PTGER3: variants seen among roughly 807,000 people sequenced by gnomAD.
PTGER3 encodes prostaglandin E receptor 3.
A neutral mutation model predicts 34.7 loss-of-function variants in PTGER3; 22 were observed. The observed-to-expected ratio is 0.63, with a 90% CI of 0.45 to 0.91. The LOEUF is 0.91. PTGER3 is among the 40% of genes least tolerant of loss of function. The probability of loss-of-function intolerance (pLI) is 0.00; values close to 1 mark genes in which losing one functional copy is unlikely to be tolerated. For missense variants in PTGER3, 468 were observed against 519.4 expected (o/e 0.90, Z 0.96); for synonymous variants, 241 against 230.1 (o/e 1.05, Z -0.43).
At chr1:70,870,217 G>A (rs1646133563) in intron 4 of PTGER3, among the ~76,000 whole-genome samples, 1 of 152,112 alleles carries the variant, frequency 6.6e-6, no homozygotes, top group African/African-American at 2.4e-5. Flanking sequence ...AGCTACTCCT[G>A]GGCCCCTTTG....
At chr1:71,008,907 G>T (rs1053339585) in intron 2 of PTGER3, 2 of 976,248 alleles carry the variant, frequency 2.0e-6, no homozygotes, top group Non-Finnish European at 2.4e-6. Flanking sequence ...TCAGCTCCTA[G>T]AATCCTGTGT....
At chr1:70,907,853 G>A (rs769534179) in intron 4 of PTGER3, among the ~76,000 whole-genome samples, 5 of 152,150 alleles carry the variant, frequency 3.3e-5, no homozygotes, top group Non-Finnish European at 5.9e-5. Flanking sequence ...AGCTGAAAGC[G>A]GACTGCTTGG....
At chr1:70,942,355 A>G (rs1298937539) in intron 4 of PTGER3, among the ~76,000 whole-genome samples, 2 of 152,170 alleles carry the variant, frequency 1.3e-5, no homozygotes, top group South Asian at 2.1e-4. Context: ...TTATATCTTG[A>G]GGCATTTTTT....
chr1:71,008,650 T>C, intron 2 of PTGER3: 1 of 983,922 alleles, frequency 1.0e-6, no homozygotes, highest in Non-Finnish European at 1.2e-6. Context: ...AGCACTTTGT[T>C]GCAACTCAGA....
At chr1:70,853,984 TA>T (rs986829105) in intron 4 of PTGER3, among the ~76,000 whole-genome samples, 3 of 152,102 alleles carry the variant, frequency 2.0e-5, no homozygotes, top group Admixed American at 6.6e-5. Context: ...CAAAATGAAT[TA>T]AAGACCTAGG....
At chr1:71,015,901 G>T (rs892514414) in intron 1 of PTGER3, among the ~76,000 whole-genome samples, 6 of 151,932 alleles carry the variant, frequency 3.9e-5, no homozygotes, top group Non-Finnish European at 8.8e-5. Context: ...TCCAGTTTTG[G>T]CTTATAAGGC....
chr1:70,952,747 C>T (rs1216793231), exon 4 of PTGER3: 4 of 1,284,172 alleles, frequency 3.1e-6, no homozygotes, highest in Non-Finnish European at 4.0e-6. Flanking sequence ...AAAATATGCC[C>T]ATGTTTGCCC....
chr1:70,901,931 G>A (rs1405858842), intron 4 of PTGER3, among the ~76,000 whole-genome samples: 1 of 152,092 alleles, frequency 6.6e-6, no homozygotes, highest in Non-Finnish European at 1.5e-5. Flanking sequence ...AAAGCTCAGG[G>A]CAGAGATTTG....
intron 2 of PTGER3, among the ~76,000 whole-genome samples, chr1:70,992,146 G>A (rs527729367): frequency 2.6e-5 from 4 of 152,184 alleles, no homozygotes; most frequent in Non-Finnish European, 4.4e-5. Context: ...GTAAGTAAAT[G>A]AACTGGGGTT....
Position 71,046,720 on chromosome 1 carries a change from C to A in PTGER3, c.858G>T (p.Gly286=), listed in dbSNP as rs751617793. ...AGCAGACCGACAGCACGCACATGATCCCCATAAGCTGAATGGCCGTCTCGG... is the reference window on the plus strand; with the variant it reads ...AGCAGACCGACAGCACGCACATGATACCCATAAGCTGAATGGCCGTCTCGG... ...ITTETAIQLM[G]IMCVLSVCWS... The change falls in exon 1 of 4, where the codon GGG becomes GGT. Residue 286 remains glycine, a synonymous_variant. Coordinates refer to ENST00000306666, the MANE Select transcript of PTGER3 (RefSeq NM_198719.2). 14 of 1,600,524 alleles carry A rather than the reference C, an allele frequency of 8.7e-6. No homozygotes were observed. In the South Asian group the frequency reaches 1.6e-4, roughly 18 times the overall value.
intron 2 of PTGER3, 150 bp downstream of exon 2, chr1:71,012,155 A>T: frequency 6.5e-7 from 1 of 1,545,088 alleles, no homozygotes; most frequent in Non-Finnish European, 8.7e-7. Flanking sequence ...CTAAATTCAC[A>T]GTAAGGTTTA....
intron 1 of PTGER3, among the ~76,000 whole-genome samples, chr1:71,044,403 C>T (rs538932588): frequency 1.4e-4 from 20 of 147,088 alleles, no homozygotes; most frequent in Non-Finnish European, 2.7e-4. Context: ...CACCACTGCA[C>T]TCCAGCCTGG....
chr1:70,954,382 A>G (rs2100597890), intron 2 of PTGER3, among the ~76,000 whole-genome samples: 1 of 152,256 alleles, frequency 6.6e-6, no homozygotes, highest in South Asian at 2.1e-4. Flanking sequence ...TGCTGGAAAG[A>G]CTACCATTAT....
At chr1:71,039,549 C>G (rs1030637077) in intron 1 of PTGER3, among the ~76,000 whole-genome samples, 1 of 147,424 alleles carries the variant, frequency 6.8e-6, no homozygotes, top group Non-Finnish European at 1.5e-5. Context: ...ACTCGGGAGG[C>G]TGAGGCAGGA....
Position 71,046,070 on chromosome 1 carries a change from G to A in PTGER3, c.897+611C>T, listed in dbSNP as rs1369635555. On this transcript the variant is annotated intron_variant, in intron 1 of 3. Transcript: ENST00000306666. ...GCACTTTGGGAGGCCGAGGCGGGTGGATCACGAGGTCAGGAGATCGAGACC... is the reference window on the plus strand; with the variant it reads ...GCACTTTGGGAGGCCGAGGCGGGTGAATCACGAGGTCAGGAGATCGAGACC... Among the ~76,000 whole-genome samples the A allele has an allele frequency of 2.0e-5, 3 of 151,470 alleles. No individual in the cohort carries two copies. The East Asian group carries it at 5.8e-4, about 29-fold the overall frequency.
intron 1 of PTGER3, among the ~76,000 whole-genome samples, chr1:71,015,819 C>T (rs1657841698): frequency 6.6e-6 from 1 of 152,188 alleles, no homozygotes; most frequent in Non-Finnish European, 1.5e-5. Flanking sequence ...GGTATCCAGC[C>T]ATTTTCCCTT....
chr1:70,996,880 T>A (rs548122089), intron 2 of PTGER3, among the ~76,000 whole-genome samples: 1 of 152,064 alleles, frequency 6.6e-6, no homozygotes, highest in Non-Finnish European at 1.5e-5. Context: ...GCCAGGATGG[T>A]CTCGATCTCC....
chr1:70,862,773 G>A (rs1209045895), intron 4 of PTGER3, among the ~76,000 whole-genome samples: 3 of 152,060 alleles, frequency 2.0e-5, no homozygotes, highest in Non-Finnish European at 4.4e-5. Context: ...GAATGAGACA[G>A]GAAAGCTTAC....
chr1:70,948,114 T>C (rs1650388504), downstream of PTGER3, among the ~76,000 whole-genome samples: 1 of 152,132 alleles, frequency 6.6e-6, no homozygotes, highest in African/African-American at 2.4e-5. Context: ...ACTGCTATCA[T>C]ATAAAACCAA....
Sources: gnomAD v4.1 joint callset for allele counts (sites outside exome capture counted in the v4.1 genomes callset) on GRCh38, gnomAD v4.1.1 for gene constraint, MANE v1.5 for transcripts, NCBI Gene and HGNC (gene_info 2026-07-23, HGNC 2026-07-21) for gene names.